Variants in NOS1AP observed in about 807,000 individuals in gnomAD.
NOS1AP encodes the protein carboxyl-terminal PDZ ligand of neuronal nitric oxide synthase protein.
Under a neutral mutation model 56.2 loss-of-function variants are expected in NOS1AP, and 21 were observed. The observed-to-expected ratio is 0.37, with a 90% CI of 0.26 to 0.54. The LOEUF (loss-of-function observed/expected upper bound fraction) is 0.54, where lower values mean the gene tolerates loss of function less well. Ranked by LOEUF, NOS1AP falls within the 20% of genes least tolerant of loss-of-function variation. The pLI is 0.84. For synonymous variants in NOS1AP, 270 were observed against 274.6 expected, an observed-to-expected ratio of 0.98 and a Z score of 0.17; for missense variants, 522 against 657.8, an observed-to-expected ratio of 0.79 and a Z score of 2.26.
Position 162,321,731 on chromosome 1 carries a change from A to AAAAATATAT in NOS1AP, c.345-11285_345-11284insAAATATATA, listed in dbSNP as rs1480278757. The stretch of plus-strand genomic sequence containing the variant: ...CTTAAAGTATAATTAAAAAAAAAAA[A>AAAAATATAT]ATATATATATATATATATATAAAAG... On this transcript the variant is annotated intron_variant, in intron 4 of 9. Coordinates refer to ENST00000361897, the MANE Select transcript of NOS1AP (RefSeq NM_014697.3). Among the ~76,000 whole-genome samples the AAAAATATAT allele has an allele frequency of 9.0e-4, 115 of 128,464 alleles. 5 individuals are homozygous for AAAAATATAT. Among genetic ancestry groups the AAAAATATAT allele is most frequent in the Admixed American group, 7.6e-4 (10 of 13,076 alleles). The allele number at this position is 128,464 out of a possible 152,430, so 84.3% of individuals were successfully genotyped here. A position where few individuals can be genotyped will look rare whatever the true frequency, so the allele number is the denominator to read the frequency against.
At chr1:162,269,365 A>G (rs900826609) in intron 2 of NOS1AP, among the ~76,000 whole-genome samples, 1 of 152,232 alleles carries the variant, frequency 6.6e-6, no homozygotes, top group Non-Finnish European at 1.5e-5. Context: ...GTTGAGATAT[A>G]AAGAGGTGAA....
In NOS1AP at chr1:162,369,290, C is replaced by T. The variant is rs1312519998; in HGVS notation, c.*1823C>T. 1 of 152,168 alleles carries T rather than the reference C, an allele frequency of 6.6e-6. No homozygotes were observed. The highest frequency in any genetic ancestry group is 1.5e-5 in the Non-Finnish European group (1 of 68,032). The allele number at this position is 152,168 out of a possible 1,614,324, so 9.4% of individuals were successfully genotyped here. A position where few individuals can be genotyped will look rare whatever the true frequency, so the allele number is the denominator to read the frequency against. ...TCTAATTTGCCATTGGAAATAGGTA[C>T]AGTTACACAGAGAAGGAAGAACCAG... On this transcript the variant is annotated 3_prime_UTR_variant, in exon 10 of 10. Transcript: ENST00000361897.
Position 162,103,508 on chromosome 1 carries a change from G to A in NOS1AP, c.105+33226G>A, listed in dbSNP as rs531719374. Among the ~76,000 whole-genome samples, 6 of 152,140 alleles carry A rather than the reference G, an allele frequency of 3.9e-5. No homozygotes were observed. In the East Asian group the frequency reaches 9.7e-4, roughly 24 times the overall value. ...TCTTTGTTAATTTTCTGTCTCAATG[G>A]TCTGTCTAATATTGACAGTGGGGTA... is the stretch of plus-strand genomic sequence containing the variant. On this transcript the variant is annotated intron_variant, in intron 1 of 9. Transcript: ENST00000361897.
In NOS1AP at chr1:162,122,666, C is replaced by G. The variant is rs1013079318; in HGVS notation, c.106-31739C>G. ...GGGACTATAGGCGCTTACCACCATG[C>G]CTAGCTAATTTTTTTATTTTTTGTA... is the stretch of plus-strand genomic sequence containing the variant. On this transcript the variant is annotated intron_variant, in intron 1 of 9. Coordinates refer to ENST00000361897, the MANE Select transcript of NOS1AP (RefSeq NM_014697.3). Among the ~76,000 whole-genome samples, 194 of 151,960 alleles carry G rather than the reference C, an allele frequency of 1.3e-3. 1 individual carries two copies. Among genetic ancestry groups the G allele is most frequent in the Non-Finnish European group, 1.6e-4 (11 of 67,978 alleles).
intron 5 of NOS1AP, among the ~76,000 whole-genome samples, chr1:162,334,580 T>C (rs1369613708): frequency 1.3e-5 from 2 of 152,184 alleles, no homozygotes; most frequent in African/African-American, 4.8e-5. Flanking sequence ...TTGGCTCGTC[T>C]GTAAGGTTCT....
chr1:162,264,599 T>A (rs1039700989), intron 2 of NOS1AP, among the ~76,000 whole-genome samples: 1 of 150,504 alleles, frequency 6.6e-6, no homozygotes, highest in African/African-American at 2.4e-5. Flanking sequence ...CTCCACCTCC[T>A]ATGTTCAAGT....
chr1:162,183,881 A>G (rs1651344380), intron 2 of NOS1AP, among the ~76,000 whole-genome samples: 1 of 152,074 alleles, frequency 6.6e-6, no homozygotes, highest in Admixed American at 6.6e-5. Context: ...TTGCTTTCTT[A>G]TTATGCATGT....
chr1:162,262,663 A>G (rs1173005234), intron 2 of NOS1AP, among the ~76,000 whole-genome samples: 2 of 152,228 alleles, frequency 1.3e-5, no homozygotes, highest in Non-Finnish European at 2.9e-5. Flanking sequence ...CAAATTATGT[A>G]GAATGACTTA....
At chr1:162,291,941 G>A (rs4657184) in intron 3 of NOS1AP, among the ~76,000 whole-genome samples, 148,121 of 152,318 alleles carry the variant, frequency 0.97, 72,151 homozygotes, top group Middle Eastern at 1. Context: ...GGAATCCTGA[G>A]TAAGAAAGAC....
chr1:162,363,285 T>G (rs1255723254), intron 8 of NOS1AP: 1 of 152,580 alleles, frequency 6.6e-6, no homozygotes, highest in Non-Finnish European at 1.5e-5. Flanking sequence ...ACACCTACAT[T>G]TACTGGTTTA....
rs1191533104 is a variant in NOS1AP, at chr1:162,261,502, GA to G, written c.178-25841del. On this transcript the variant is annotated intron_variant, in intron 2 of 9. Transcript: ENST00000361897. ...AGAGAGAGAGAGAGAGAGAGAGAGA[GA>G]GAGAGAGAGAGAGAGAGAGAGAGAG... 2.9e-3 allele frequency among the ~76,000 whole-genome samples: 20 copies of G among 6,894 alleles called. 7 individuals carry two copies. The highest frequency in any genetic ancestry group is 5.6e-3 in the Non-Finnish European group (15 of 2,688). 4.5% of individuals were successfully genotyped at this position (6,894 alleles called of 152,430 possible). A position where few individuals can be genotyped will look rare whatever the true frequency, so the allele number is the denominator to read the frequency against.
intron 2 of NOS1AP, among the ~76,000 whole-genome samples, chr1:162,165,426 A>G (rs1328193105): frequency 3.3e-5 from 5 of 152,214 alleles, no homozygotes; most frequent in Admixed American, 3.3e-4. Context: ...GTCGGGCTCC[A>G]TGCAAAGCAC....
At chr1:162,225,110 A>G (rs998179213) in intron 2 of NOS1AP, among the ~76,000 whole-genome samples, 17 of 152,186 alleles carry the variant, frequency 1.1e-4, no homozygotes, top group African/African-American at 3.9e-4. Context: ...TTGAAGTCAA[A>G]CCATTTAATT....
intron 2 of NOS1AP, among the ~76,000 whole-genome samples, chr1:162,160,046 C>T (rs1253316518): frequency 6.6e-6 from 1 of 152,116 alleles, no homozygotes; most frequent in African/African-American, 2.4e-5. Context: ...GCAGTCGAAA[C>T]GTGGTGCAGC....
At chr1:162,360,280 G>A (rs979908270) in intron 8 of NOS1AP, among the ~76,000 whole-genome samples, 8 of 152,308 alleles carry the variant, frequency 5.3e-5, no homozygotes, top group East Asian at 1.9e-4. Flanking sequence ...CCCTCTGACC[G>A]CTCTTCCGAC....
chr1:162,128,652 AT>A (rs1648602928), intron 1 of NOS1AP, among the ~76,000 whole-genome samples: 1 of 151,966 alleles, frequency 6.6e-6, no homozygotes, highest in East Asian at 1.9e-4. Flanking sequence ...AGATTTTCCT[AT>A]TTTTTTATTA....
At chr1:162,215,749 A>G (rs1652547850) in intron 2 of NOS1AP, among the ~76,000 whole-genome samples, 1 of 152,132 alleles carries the variant, frequency 6.6e-6, no homozygotes, top group South Asian at 2.1e-4. Flanking sequence ...GGGCAGATGC[A>G]CCTTAGGCTC....
At chr1:162,242,616 A>C (rs1653521506) in intron 2 of NOS1AP, among the ~76,000 whole-genome samples, 1 of 152,214 alleles carries the variant, frequency 6.6e-6, no homozygotes, top group Non-Finnish European at 1.5e-5. Context: ...ACCCCAAGCA[A>C]GAACTGCCCA....
chr1:162,164,668 C>T (rs958985503), intron 2 of NOS1AP, among the ~76,000 whole-genome samples: 1 of 152,176 alleles, frequency 6.6e-6, no homozygotes, highest in Non-Finnish European at 1.5e-5. Flanking sequence ...AAGGTACATG[C>T]ATGCTGTGGC....
Sources: allele counts gnomAD v4.1 joint callset (sites outside exome capture counted in the v4.1 genomes callset), GRCh38; gene constraint gnomAD v4.1.1; transcripts MANE v1.5; gene names NCBI Gene and HGNC (gene_info 2026-07-23, HGNC 2026-07-21).